THOC2: variants seen among roughly 807,000 people sequenced by gnomAD.
The protein encoded by THOC2 is THO complex 2.
In THOC2, 10 loss-of-function variants were observed where a neutral mutation model predicts 128.4. The observed-to-expected ratio is 0.08, with a 90% CI of 0.05 to 0.13. The LOEUF (loss-of-function observed/expected upper bound fraction) is 0.13. Among genes scored for constraint, THOC2 ranks in the 10% least tolerant of loss-of-function variants. The probability of loss-of-function intolerance (pLI) is 1.00; values close to 1 mark genes in which losing one functional copy is unlikely to be tolerated. For missense variants in THOC2, 535 were observed against 1,155.7 expected, an observed-to-expected ratio of 0.46 and a Z score of 7.79; for synonymous variants, 393 against 396.9, an observed-to-expected ratio of 0.99 and a Z score of 0.12.
At chrX:123,633,091 T>A in intron 20 of THOC2, 51 bp from the exon 21 acceptor site, 1 of 947,174 alleles carries the variant, frequency 1.1e-6, no homozygotes, top group Non-Finnish European at 1.4e-6. Flanking sequence ...TAACCCATGC[T>A]AATTTGAAAA....
intron 2 of THOC2, among the ~76,000 whole-genome samples, chrX:123,709,378 T>C (rs1026463503): frequency 9.1e-6 from 1 of 110,175 alleles, no homozygotes; most frequent in Admixed American, 9.6e-5. Flanking sequence ...GATCACAAGG[T>C]AAGGAGACCG....
At chrX:123,703,652 C>A in intron 3 of THOC2, 147 bp from the exon 4 acceptor site, 1 of 326,692 alleles carries the variant, frequency 3.1e-6, no homozygotes, top group Non-Finnish European at 5.3e-6. Context: ...CTTTGGGAGG[C>A]CGAGGAGGGC....
chrX:123,626,304 C>T (rs1215265904), intron 24 of THOC2, among the ~76,000 whole-genome samples: 1 of 111,819 alleles, frequency 8.9e-6, no homozygotes, highest in Non-Finnish European at 1.9e-5. Flanking sequence ...TGACAAGCTG[C>T]CAATATGTAG....
chrX:123,664,448 T>C (rs1215383153), intron 12 of THOC2, among the ~76,000 whole-genome samples: 31 of 112,138 alleles, frequency 2.8e-4, no homozygotes, highest in African/African-American at 8.7e-4. Flanking sequence ...ATTTTTGCAA[T>C]CTACTCATCT....
intron 1 of THOC2, among the ~76,000 whole-genome samples, chrX:123,724,163 T>C (rs2051836043): frequency 9.0e-6 from 1 of 111,695 alleles, no homozygotes; most frequent in African/African-American, 3.3e-5. Flanking sequence ...CCTGCTTATA[T>C]ATCACATCTA....
At chrX:123,611,628 A>G (rs2046702737) in intron 36 of THOC2, 112 bp from the exon 37 acceptor site, 3 of 456,945 alleles carry the variant, frequency 6.6e-6, no homozygotes, top group Non-Finnish European at 1.1e-5. Flanking sequence ...CTTACTTAAC[A>G]TGACACCAAA....
At chrX:123,606,464 C>T (rs1159318461) in intron 38 of THOC2, among the ~76,000 whole-genome samples, 1 of 110,181 alleles carries the variant, frequency 9.1e-6, no homozygotes, top group African/African-American at 3.3e-5. Flanking sequence ...CATGGTGGCA[C>T]ATGCCTGTAA....
chrX:123,615,594 T>C (rs954228590), intron 33 of THOC2, among the ~76,000 whole-genome samples: 9 of 106,970 alleles, frequency 8.4e-5, no homozygotes, highest in Non-Finnish European at 1.7e-4. Context: ...GAAATATTGC[T>C]GCAATACTCA....
At chrX:123,647,803 T>G (rs1334866068) in intron 12 of THOC2, among the ~76,000 whole-genome samples, 1 of 86,706 alleles carries the variant, frequency 1.2e-5, no homozygotes, top group East Asian at 3.7e-4. Flanking sequence ...ATCACGCCAC[T>G]GCACTCCAGC....
intron 12 of THOC2, among the ~76,000 whole-genome samples, chrX:123,650,711 G>C (rs1431984736): frequency 8.9e-6 from 1 of 111,827 alleles, no homozygotes; most frequent in Non-Finnish European, 1.9e-5. Context: ...AAGACAAAGA[G>C]AGGCATTACC....
chrX:123,688,692 G>C (rs1380456410), intron 7 of THOC2, among the ~76,000 whole-genome samples: 1 of 110,735 alleles, frequency 9.0e-6, no homozygotes, highest in Non-Finnish European at 1.9e-5. Context: ...AAATTGAGGG[G>C]GAATGGGAGA....
At chrX:123,686,971 G>A (rs1048428542) in intron 7 of THOC2, among the ~76,000 whole-genome samples, 3 of 111,736 alleles carry the variant, frequency 2.7e-5, no homozygotes, top group African/African-American at 9.7e-5. Context: ...AGTGATACCA[G>A]TCAAATAAAC....
intron 15 of THOC2, among the ~76,000 whole-genome samples, chrX:123,642,479 G>A (rs1453979563): frequency 9.1e-6 from 1 of 109,406 alleles, no homozygotes; most frequent in Admixed American, 9.9e-5. Context: ...CAGAGTAACA[G>A]TTCCTGCTCT....
intron 7 of THOC2, among the ~76,000 whole-genome samples, chrX:123,691,246 A>G (rs2050211716): frequency 9.0e-6 from 1 of 111,052 alleles, no homozygotes. Flanking sequence ...ACAACAAAAA[A>G]CCCCTATAGT....
At chrX:123,656,023 A>AC (rs997149341) in intron 12 of THOC2, among the ~76,000 whole-genome samples, 24 of 109,037 alleles carry the variant, frequency 2.2e-4, no homozygotes, top group South Asian at 4.0e-4. Context: ...TCTGGGGAAA[A>AC]AAAAAAGGGA....
At chrX:123,681,172 T>G (rs1412259904) in intron 8 of THOC2, among the ~76,000 whole-genome samples, 1 of 112,001 alleles carries the variant, frequency 8.9e-6, no homozygotes, top group Non-Finnish European at 1.9e-5. Flanking sequence ...TCTTCTTTAT[T>G]AGAAGAATGA....
intron 36 of THOC2, among the ~76,000 whole-genome samples, chrX:123,612,650 C>T (rs1196938797): frequency 9.0e-6 from 1 of 111,306 alleles, no homozygotes; most frequent in Non-Finnish European, 1.9e-5. Flanking sequence ...CTTAAATGTA[C>T]ACCTGTAAAA....
intron 2 of THOC2, 141 bp from the exon 3 acceptor site, chrX:123,707,090 TTC>T (rs1017115402): frequency 4.7e-5 from 14 of 297,715 alleles, no homozygotes; most frequent in Middle Eastern, 9.4e-4. Context: ...TAGCAATTTT[TTC>T]TTTTATTTTC....
chrX:123,627,317 T>C (rs2047305074), intron 23 of THOC2, among the ~76,000 whole-genome samples: 1 of 111,343 alleles, frequency 9.0e-6, no homozygotes. Flanking sequence ...CCCTATCTGC[T>C]TCCATATTTC....
Sources: allele counts gnomAD v4.1 joint callset (sites outside exome capture counted in the v4.1 genomes callset), GRCh38; gene constraint gnomAD v4.1.1; transcripts MANE v1.5; gene names NCBI Gene and HGNC (gene_info 2026-07-23, HGNC 2026-07-21).